CALN1: variants seen among roughly 807,000 people sequenced by gnomAD.
CALN1 encodes calcium-binding protein 8.
CALN1 carries 17 observed loss-of-function variants against 30.6 expected under a neutral mutation model. The observed-to-expected ratio is 0.56, with a 90% CI of 0.38 to 0.83. The LOEUF (loss-of-function observed/expected upper bound fraction) is 0.83. Ranked by LOEUF, CALN1 falls within the 40% of genes least tolerant of loss-of-function variation. The pLI is 0.00. For missense variants in CALN1, 291 were observed against 354.9 expected (o/e 0.82, Z 1.45); for synonymous variants, 156 against 131.4 (o/e 1.19, Z -1.28).
Position 72,389,173 on chromosome 7 carries a change from A to G in CALN1, c.119+14078T>C, listed in dbSNP as rs143731510. On this transcript the variant is annotated intron_variant, in intron 2 of 6. Coordinates refer to ENST00000395275, the MANE Select transcript of CALN1 (RefSeq NM_031468.4). ...CTCCCAAGGTCTCCATGGCGGGGCA[A>G]CGCAGGAGCCCCTGTCCCTGGTATT... Among the ~76,000 whole-genome samples the G allele has an allele frequency of 4.9e-3, 752 of 152,282 alleles. 2 individuals are homozygous for G. Among genetic ancestry groups the G allele is most frequent in the Non-Finnish European group, 8.5e-3 (581 of 68,022 alleles).
At chr7:72,448,836 A>C (rs1479110866), upstream of CALN1, among the ~76,000 whole-genome samples, 1 of 151,928 alleles carries the variant, frequency 6.6e-6, no homozygotes, top group Non-Finnish European at 1.5e-5. Flanking sequence ...CAAACTCCTG[A>C]CCTCATGATC....
chr7:71,793,710 A>G (rs1391919357), intron 6 of CALN1, among the ~76,000 whole-genome samples: 3 of 152,160 alleles, frequency 2.0e-5, no homozygotes, highest in Non-Finnish European at 4.4e-5. Flanking sequence ...CATCTCTACT[A>G]AAAATACACA....
At chr7:72,331,115 C>T (rs919797417) in intron 2 of CALN1, among the ~76,000 whole-genome samples, 1 of 152,056 alleles carries the variant, frequency 6.6e-6, no homozygotes, top group Non-Finnish European at 1.5e-5. Flanking sequence ...TTTGGGAGGC[C>T]AAGGCAGGTA....
intron 5 of CALN1, among the ~76,000 whole-genome samples, chr7:71,944,711 C>T (rs1796319750): frequency 1.3e-5 from 2 of 151,190 alleles, no homozygotes; most frequent in Admixed American, 6.6e-5. Context: ...CTTAATGAGT[C>T]AATTACTAAT....
chr7:72,105,797 G>C (rs1338881848), intron 4 of CALN1, among the ~76,000 whole-genome samples: 1 of 112,794 alleles, frequency 8.9e-6, no homozygotes, highest in Middle Eastern at 3.8e-3. Flanking sequence ...GGGGGAGGGA[G>C]GGAGGGAGGA....
At chr7:71,957,563 C>T (rs1280406135) in intron 5 of CALN1, among the ~76,000 whole-genome samples, 1 of 152,162 alleles carries the variant, frequency 6.6e-6, no homozygotes, top group African/African-American at 2.4e-5. Context: ...AAAATGCCTT[C>T]CTCAACTTAC....
intron 3 of CALN1, among the ~76,000 whole-genome samples, chr7:72,171,975 C>T (rs1789005328): frequency 6.6e-6 from 1 of 152,128 alleles, no homozygotes; most frequent in African/African-American, 2.4e-5. Context: ...GTAGCACAGC[C>T]AGAACCATAA....
intron 3 of CALN1, among the ~76,000 whole-genome samples, chr7:72,147,676 T>C (rs1011247367): frequency 2.0e-5 from 3 of 151,892 alleles, no homozygotes; most frequent in Admixed American, 6.6e-5. Flanking sequence ...CTATTCACAA[T>C]AGCAAAGACC....
intron 6 of CALN1, among the ~76,000 whole-genome samples, chr7:71,788,480 T>G (rs535337033): frequency 1.3e-3 from 166 of 132,690 alleles, no homozygotes; most frequent in African/African-American, 4.4e-3. Context: ...ACTAAGAGGT[T>G]TTTTTTTGTT....
At chr7:72,146,152 T>C (rs1786699901) in intron 3 of CALN1, among the ~76,000 whole-genome samples, 1 of 152,112 alleles carries the variant, frequency 6.6e-6, no homozygotes, top group Admixed American at 6.6e-5. Context: ...AAATAAAGGG[T>C]ATTCAATTAG....
At chr7:72,270,671 A>C (rs574445073) in intron 3 of CALN1, among the ~76,000 whole-genome samples, 1 of 152,284 alleles carries the variant, frequency 6.6e-6, no homozygotes, top group East Asian at 1.9e-4. Context: ...GCTCCTTGGG[A>C]GGCTGAGGCA....
At chr7:72,332,409 C>T (rs1323978967) in intron 2 of CALN1, among the ~76,000 whole-genome samples, 1 of 151,990 alleles carries the variant, frequency 6.6e-6, no homozygotes, top group Non-Finnish European at 1.5e-5. Flanking sequence ...CAACAGTAAA[C>T]TGACATGGCA....
chr7:71,992,127 C>T (rs1370555748), intron 5 of CALN1, among the ~76,000 whole-genome samples: 1 of 152,142 alleles, frequency 6.6e-6, no homozygotes, highest in Non-Finnish European at 1.5e-5. Flanking sequence ...ATTAACTTCC[C>T]ACTTACCTTT....
chr7:71,863,557 CAAA>C (rs71531769), intron 5 of CALN1, among the ~76,000 whole-genome samples: 896 of 32,024 alleles, frequency 0.028, 2 homozygotes, highest in Non-Finnish European at 0.058. Flanking sequence ...AACTCCATCT[CAAA>C]AAAAAAAAAA....
intron 2 of CALN1, among the ~76,000 whole-genome samples, chr7:72,356,117 G>A (rs1248322147): frequency 6.6e-6 from 1 of 152,074 alleles, no homozygotes; most frequent in Non-Finnish European, 1.5e-5. Context: ...ATTATTCTGT[G>A]TTCATTTAAA....
intron 5 of CALN1, among the ~76,000 whole-genome samples, chr7:71,895,627 G>A (rs893296907): frequency 3.3e-5 from 5 of 152,098 alleles, no homozygotes; most frequent in Admixed American, 2.0e-4. Context: ...TTACATTCAT[G>A]CCAGGTGCCC....
the CALN1 span, among the ~76,000 whole-genome samples, chr7:72,498,079 G>C: frequency 1.5e-4 from 23 of 152,220 alleles, no homozygotes; most frequent in Non-Finnish European, 1.8e-4. Context: ...GAATATGGGG[G>C]ATGGGGAAAG....
chr7:72,018,169 T>G (rs530291066), intron 5 of CALN1, among the ~76,000 whole-genome samples: 3 of 152,210 alleles, frequency 2.0e-5, no homozygotes, highest in Non-Finnish European at 4.4e-5. Flanking sequence ...CCTCTGCCAC[T>G]TGGGGACATC....
chr7:72,339,637 G>A (rs1375642493), intron 2 of CALN1, among the ~76,000 whole-genome samples: 1 of 152,214 alleles, frequency 6.6e-6, no homozygotes, highest in African/African-American at 2.4e-5. Context: ...CTAAGACTGG[G>A]TAATATACAA....
Sources: allele counts gnomAD v4.1 joint callset (sites outside exome capture counted in the v4.1 genomes callset), GRCh38; gene constraint gnomAD v4.1.1; transcripts MANE v1.5; gene names NCBI Gene and HGNC (gene_info 2026-07-23, HGNC 2026-07-21).